Variants in DLC1 observed in about 807,000 individuals in gnomAD.
DLC1 encodes the protein rho GTPase-activating protein 7.
Under a neutral mutation model 140.3 loss-of-function variants are expected in DLC1, and 54 were observed. That is an observed-to-expected ratio of 0.38 (90% CI 0.31 to 0.48). The LOEUF (loss-of-function observed/expected upper bound fraction) is 0.48. DLC1 is among the 20% of genes least tolerant of loss of function. The pLI, the probability that DLC1 is intolerant of heterozygous loss-of-function variation, is 0.96. For missense variants in DLC1, 2,536 were observed against 1,907.0 expected (o/e 1.33, Z -6.14); for synonymous variants, 986 against 728.1 (o/e 1.35, Z -5.70).
In DLC1 at chr8:13,386,887, T is replaced by C. The variant is rs1046697195; in HGVS notation, c.1314+6666A>G. 4.6e-5 allele frequency among the ~76,000 whole-genome samples: 7 copies of C among 152,164 alleles called. 1 individual carries two copies. The highest frequency in any genetic ancestry group is 2.6e-4 in the Admixed American group (4 of 15,292). The stretch of plus-strand genomic sequence containing the variant: ...TCTTTCTAATAAACAATGAGGATCT[T>C]ACCAACAGAAGCAAATCTTTCTTTA... On this transcript the variant is annotated intron_variant, in intron 4 of 17. Transcript: ENST00000276297.
chr8:13,540,302 T>C (rs1425760547), intron 1 of DLC1, among the ~76,000 whole-genome samples: 4 of 152,202 alleles, frequency 2.6e-5, no homozygotes, highest in Non-Finnish European at 5.9e-5. Context: ...ACTCCAACTT[T>C]AGTAAAATAC....
At chr8:13,159,374 C>T (rs2128983451) in intron 5 of DLC1, among the ~76,000 whole-genome samples, 1 of 152,302 alleles carries the variant, frequency 6.6e-6, no homozygotes, top group East Asian at 1.9e-4. Context: ...AGTACTGGGT[C>T]ACTCTGAAGG....
intron 2 of DLC1, among the ~76,000 whole-genome samples, chr8:13,407,973 C>T (rs570276972): frequency 6.6e-6 from 1 of 151,110 alleles, no homozygotes; most frequent in Non-Finnish European, 1.5e-5. Flanking sequence ...GTTTTAAAAA[C>T]CAGAATGTTA....
chr8:13,540,564 G>C (rs945873039), intron 1 of DLC1, among the ~76,000 whole-genome samples: 7 of 152,210 alleles, frequency 4.6e-5, no homozygotes, highest in African/African-American at 1.7e-4. Context: ...TGTCTGCGCA[G>C]ACTGTAGGCT....
intron 2 of DLC1, among the ~76,000 whole-genome samples, chr8:13,490,989 A>G (rs936557071): frequency 1.4e-5 from 2 of 147,510 alleles, no homozygotes; most frequent in African/African-American, 4.9e-5. Flanking sequence ...ATATATATAT[A>G]CACACACACA....
At chr8:13,135,416 C>G (rs193106435) in intron 5 of DLC1, among the ~76,000 whole-genome samples, 101 of 152,108 alleles carry the variant, frequency 6.6e-4, no homozygotes, top group African/African-American at 2.4e-3. Flanking sequence ...CTCCTGACCT[C>G]GTGATCCGCC....
intron 3 of DLC1, among the ~76,000 whole-genome samples, chr8:13,395,039 A>ATCATCTC (rs1836966616): frequency 6.7e-6 from 1 of 149,442 alleles, no homozygotes; most frequent in Non-Finnish European, 1.5e-5. Flanking sequence ...TCTATCATCT[A>ATCATCTC]TCTATCTATC....
chr8:13,423,754 A>G (rs1838426449), intron 2 of DLC1, among the ~76,000 whole-genome samples: 1 of 152,182 alleles, frequency 6.6e-6, no homozygotes, highest in East Asian at 1.9e-4. Context: ...ATGAGAAAGT[A>G]TAGATCTTTT....
chr8:13,253,079 C>G (rs1830079786), intron 5 of DLC1, among the ~76,000 whole-genome samples: 1 of 152,098 alleles, frequency 6.6e-6, no homozygotes, highest in African/African-American at 2.4e-5. Flanking sequence ...CCAAAACTTG[C>G]AATAACATAC....
chr8:13,371,403 C>G (rs927747338), intron 4 of DLC1, among the ~76,000 whole-genome samples: 2 of 152,162 alleles, frequency 1.3e-5, no homozygotes, highest in African/African-American at 4.8e-5. Context: ...CTCTGTCTCT[C>G]TCACTCTCTT....
In DLC1 at chr8:13,086,326, T is replaced by A; in HGVS notation, c.4430A>T (p.Lys1477Ile). The A allele has an allele frequency of 6.2e-7, 1 of 1,614,216 alleles. No individual in the cohort carries two copies. Among genetic ancestry groups the A allele is most frequent in the Non-Finnish European group, 8.5e-7 (1 of 1,180,038 alleles). ...RYLIEPCGPG[K>I]SKLTYMCRVD... ...TCTGCACATGTAGGTGAGTTTGGATTTTCCTGGCCCACAGGGTTCAATCAA... is the reference window on the plus strand; with the variant it reads ...TCTGCACATGTAGGTGAGTTTGGATATTCCTGGCCCACAGGGTTCAATCAA... The change falls in exon 17 of 18, where the codon AAA becomes ATA. Residue 1477 changes from lysine to isoleucine, a missense_variant. Lys to Ile is a moderately radical substitution (Grantham distance 102). Transcript: ENST00000276297.
chr8:13,539,776 G>GTA (rs1554540759), intron 1 of DLC1, among the ~76,000 whole-genome samples: 4 of 150,816 alleles, frequency 2.7e-5, no homozygotes, highest in Non-Finnish European at 5.9e-5. Flanking sequence ...GTGTGTGTGT[G>GTA]TACATTTTAT....
intron 1 of DLC1, among the ~76,000 whole-genome samples, chr8:13,559,914 C>A (rs951085493): frequency 3.3e-5 from 5 of 152,016 alleles, no homozygotes; most frequent in African/African-American, 1.2e-4. Flanking sequence ...ATGGACTTAA[C>A]TTTATAAAAT....
At chr8:13,470,184 A>G (rs1039796181) in intron 2 of DLC1, among the ~76,000 whole-genome samples, 1 of 152,214 alleles carries the variant, frequency 6.6e-6, no homozygotes, top group African/African-American at 2.4e-5. Flanking sequence ...TATTTGTCTT[A>G]TCTGACTACA....
chr8:13,182,146 T>C (rs1195623359), intron 5 of DLC1, among the ~76,000 whole-genome samples: 3 of 152,234 alleles, frequency 2.0e-5, no homozygotes, highest in Non-Finnish European at 4.4e-5. Flanking sequence ...TTTTGAGAAC[T>C]GTCTGTTCAT....
At chr8:13,145,084 AAT>A (rs1259878968) in intron 5 of DLC1, among the ~76,000 whole-genome samples, 2 of 152,192 alleles carry the variant, frequency 1.3e-5, no homozygotes, top group African/African-American at 4.8e-5. Context: ...AAAAGTACTA[AAT>A]ATCTCATGAA....
intron 2 of DLC1, among the ~76,000 whole-genome samples, chr8:13,451,390 T>C (rs2116971522): frequency 6.6e-6 from 1 of 152,278 alleles, no homozygotes; most frequent in Non-Finnish European, 1.5e-5. Context: ...TACACTCTTT[T>C]AGTTATTTTA....
intron 1 of DLC1, among the ~76,000 whole-genome samples, chr8:13,544,197 AACACACAC>A (rs3988455): frequency 0.013 from 1,927 of 144,862 alleles, 44 homozygotes; most frequent in African/African-American, 0.045. Context: ...CACACACACA[AACACACAC>A]ACACACACAC....
chr8:13,119,418 T>G (rs1820847150), intron 5 of DLC1, among the ~76,000 whole-genome samples: 1 of 152,080 alleles, frequency 6.6e-6, no homozygotes, highest in African/African-American at 2.4e-5. Flanking sequence ...GAAATTTCAC[T>G]CATCCTTCAA....
Sources: gnomAD v4.1 joint callset for allele counts (sites outside exome capture counted in the v4.1 genomes callset) on GRCh38, gnomAD v4.1.1 for gene constraint, MANE v1.5 for transcripts, NCBI Gene and HGNC (gene_info 2026-07-23, HGNC 2026-07-21) for gene names.